The following ERBB4 variants were observed in gnomAD, a reference collection of about 807,000 sequenced individuals.
ERBB4 encodes erb-b2 receptor tyrosine kinase 4.
In ERBB4, 42 loss-of-function variants were observed where a neutral mutation model predicts 158.0. The ratio of observed to expected loss-of-function variants is 0.27; its 90% CI spans 0.21 to 0.34. The LOEUF is 0.34. Among genes scored for constraint, ERBB4 ranks in the 10% least tolerant of loss-of-function variants. The pLI is 1.00. For synonymous variants in ERBB4, 583 were observed against 558.7 expected, an observed-to-expected ratio of 1.04 and a Z score of -0.61; for missense variants, 1,333 against 1,624.1, an observed-to-expected ratio of 0.82 and a Z score of 3.08.
chr2:212,140,209 C>T lies in ERBB4; in HGVS notation c.83-15306G>A, dbSNP rs963600498. The stretch of plus-strand genomic sequence containing the variant: ...TAAAATAAAATAATAACCCTTAAAA[C>T]AGTCAATTCTTTGCAAAGATACTTT... On this transcript the variant is annotated intron_variant, in intron 1 of 27. Transcript: ENST00000342788. Among the ~76,000 whole-genome samples, 6 of 151,056 alleles carry T rather than the reference C, an allele frequency of 4.0e-5. No homozygotes were observed. The East Asian group carries it at 9.7e-4, about 24-fold the overall frequency.
At chr2:212,033,026 G>T (rs1430757370) in intron 2 of ERBB4, among the ~76,000 whole-genome samples, 1 of 151,864 alleles carries the variant, frequency 6.6e-6, no homozygotes, top group South Asian at 2.1e-4. Context: ...ATAGGAAACT[G>T]GGAAAGGATA....
intron 20 of ERBB4, among the ~76,000 whole-genome samples, chr2:211,509,134 G>A (rs934325369): frequency 6.7e-5 from 9 of 134,112 alleles, no homozygotes; most frequent in Middle Eastern, 3.6e-3. Flanking sequence ...GTTGAACAAT[G>A]AGAAGACATG....
intron 1 of ERBB4, among the ~76,000 whole-genome samples, chr2:212,250,667 C>T (rs900734575): frequency 6.6e-6 from 1 of 151,782 alleles, no homozygotes; most frequent in African/African-American, 2.4e-5. Context: ...CTTATTCTTC[C>T]ATGTTAGACA....
chr2:211,942,680 TAACAA>T (rs2080538587), intron 3 of ERBB4, among the ~76,000 whole-genome samples: 1 of 152,120 alleles, frequency 6.6e-6, no homozygotes, highest in Non-Finnish European at 1.5e-5. Flanking sequence ...AGTACACAGT[TAACAA>T]AACAATTACA....
At position 212,063,231 on chromosome 2, in the gene ERBB4, A is replaced by C. The variant is rs906910193; in HGVS notation, c.234+61521T>G. On this transcript the variant is annotated intron_variant, in intron 2 of 27. Transcript: ENST00000342788. ...AAATGATCTAACAATAATGTGTTCCACCAGAATAGAAACAGATGATTTAGA... is the reference window on the plus strand; with the variant it reads ...AAATGATCTAACAATAATGTGTTCCCCCAGAATAGAAACAGATGATTTAGA... Among the ~76,000 whole-genome samples, 14 of 152,260 alleles carry C rather than the reference A, an allele frequency of 9.2e-5. No individual in the cohort carries two copies. In the East Asian group the frequency reaches 1.7e-3, roughly 19 times the overall value.
chr2:211,651,566 CA>C (rs2070983918), intron 16 of ERBB4, among the ~76,000 whole-genome samples: 1 of 151,994 alleles, frequency 6.6e-6, no homozygotes, highest in African/African-American at 2.4e-5. Context: ...GATAGAAAGA[CA>C]ATCAGCAAGG....
chr2:212,459,660 G>T (rs1688474485), intron 1 of ERBB4, among the ~76,000 whole-genome samples: 1 of 152,100 alleles, frequency 6.6e-6, no homozygotes, highest in African/African-American at 2.4e-5. Flanking sequence ...AAAGAACAGT[G>T]CTGGAAGCAT....
At chr2:212,044,723 T>C (rs1045033070) in intron 2 of ERBB4, among the ~76,000 whole-genome samples, 8 of 152,198 alleles carry the variant, frequency 5.3e-5, no homozygotes, top group African/African-American at 1.9e-4. Flanking sequence ...CTGGAGGATC[T>C]TACTCCCATA....
chr2:211,955,073 G>C (rs1466803300), intron 2 of ERBB4, among the ~76,000 whole-genome samples: 1 of 152,036 alleles, frequency 6.6e-6, no homozygotes, highest in Non-Finnish European at 1.5e-5. Context: ...AATGTGAAAT[G>C]TCATATACTG....
intron 3 of ERBB4, among the ~76,000 whole-genome samples, chr2:211,864,953 T>C (rs776558933): frequency 1.1e-4 from 16 of 152,152 alleles, no homozygotes; most frequent in Middle Eastern, 3.4e-3. Flanking sequence ...AGAGGTTGCA[T>C]TGAGCCAAGA....
At chr2:211,679,419 T>C (rs1399055856) in intron 12 of ERBB4, among the ~76,000 whole-genome samples, 1 of 152,146 alleles carries the variant, frequency 6.6e-6, no homozygotes, top group Non-Finnish European at 1.5e-5. Context: ...TAAACAAAAG[T>C]GAATTGCCTA....
chr2:212,077,491 A>G lies in ERBB4; in HGVS notation c.234+47261T>C, dbSNP rs894440880. Among the ~76,000 whole-genome samples, 15 of 152,068 alleles carry G rather than the reference A, an allele frequency of 9.9e-5. 1 individual carries two copies. Among genetic ancestry groups the G allele is most frequent in the Admixed American group, 8.5e-4 (13 of 15,206 alleles). ...CAGTGAACCCAGGTAACATGAAACA[A>G]CATGAATGACAGTGACTAATAGTTT... On this transcript the variant is annotated intron_variant, in intron 2 of 27. Coordinates refer to ENST00000342788, the MANE Select transcript of ERBB4 (RefSeq NM_005235.3).
chr2:211,809,697 T>C (rs1268359757), intron 3 of ERBB4, among the ~76,000 whole-genome samples: 1 of 152,216 alleles, frequency 6.6e-6, no homozygotes, highest in East Asian at 1.9e-4. Flanking sequence ...CCTTCAGTTC[T>C]GCTCTGATCT....
At chr2:211,776,586 A>T (rs1201889871) in intron 4 of ERBB4, among the ~76,000 whole-genome samples, 1 of 152,208 alleles carries the variant, frequency 6.6e-6, no homozygotes, top group Non-Finnish European at 1.5e-5. Flanking sequence ...ACCCATCTAG[A>T]CATTTTCACT....
At chr2:212,346,186 A>G (rs2106330540) in intron 1 of ERBB4, among the ~76,000 whole-genome samples, 1 of 152,236 alleles carries the variant, frequency 6.6e-6, no homozygotes, top group Non-Finnish European at 1.5e-5. Context: ...CCAGAGCACT[A>G]TTTTTGTCAG....
chr2:211,759,159 C>T (rs1207828105), intron 4 of ERBB4, among the ~76,000 whole-genome samples: 2 of 152,148 alleles, frequency 1.3e-5, no homozygotes, highest in African/African-American at 4.8e-5. Context: ...AGCCCAGATC[C>T]AAATTCATGA....
chr2:212,483,007 C>G (rs1282215450), intron 1 of ERBB4, among the ~76,000 whole-genome samples: 1 of 152,180 alleles, frequency 6.6e-6, no homozygotes, highest in African/African-American at 2.4e-5. Flanking sequence ...GCCTAGCATT[C>G]TTGCCACCAT....
At chr2:211,845,362 T>A (rs773744070) in intron 3 of ERBB4, among the ~76,000 whole-genome samples, 3 of 151,818 alleles carry the variant, frequency 2.0e-5, no homozygotes, top group Non-Finnish European at 4.4e-5. Context: ...AGTAAAGCCA[T>A]CCTAGGCAGG....
intron 1 of ERBB4, among the ~76,000 whole-genome samples, chr2:212,139,153 AG>A (rs1211217357): frequency 1.3e-5 from 2 of 152,120 alleles, no homozygotes; most frequent in African/African-American, 4.8e-5. Context: ...TGAAAGTAAA[AG>A]TCCAACCTTT....
Sources: gnomAD v4.1 joint callset for allele counts (sites outside exome capture counted in the v4.1 genomes callset) on GRCh38, gnomAD v4.1.1 for gene constraint, MANE v1.5 for transcripts, NCBI Gene and HGNC (gene_info 2026-07-23, HGNC 2026-07-21) for gene names.